SOX5: variants seen among roughly 807,000 people sequenced by gnomAD.
The protein encoded by SOX5 is SRY-box transcription factor 5.
SOX5 carries 9 observed loss-of-function variants against 92.0 expected under a neutral mutation model. That is an observed-to-expected ratio of 0.10 (90% CI 0.06 to 0.17). SOX5 has a LOEUF of 0.17. Among genes scored for constraint, SOX5 ranks in the 10% least tolerant of loss-of-function variants. The pLI, the probability that SOX5 is intolerant of heterozygous loss-of-function variation, is 1.00. For missense variants in SOX5, 642 were observed against 944.5 expected (o/e 0.68, Z 4.20); for synonymous variants, 344 against 336.3 (o/e 1.02, Z -0.25).
At chr12:24,171,338 C>A (rs1954130700) in intron 4 of SOX5, among the ~76,000 whole-genome samples, 2 of 151,314 alleles carry the variant, frequency 1.3e-5, no homozygotes, top group South Asian at 4.2e-4. Context: ...ATTCTCCTGC[C>A]TCAGCCTCCC....
intron 1 of SOX5, among the ~76,000 whole-genome samples, chr12:24,547,146 G>T (rs547103982): frequency 1.2e-3 from 179 of 151,282 alleles, no homozygotes; most frequent in African/African-American, 4.2e-3. Context: ...GTATAAGAGA[G>T]CCAAATAGTG....
intron 4 of SOX5, among the ~76,000 whole-genome samples, chr12:24,131,091 C>G (rs886772560): frequency 6.6e-6 from 1 of 152,170 alleles, no homozygotes; most frequent in Non-Finnish European, 1.5e-5. Flanking sequence ...TCATCTGAAA[C>G]TTTTACCTAC....
intron 1 of SOX5, among the ~76,000 whole-genome samples, chr12:24,435,950 G>C (rs989845548): frequency 6.6e-6 from 1 of 152,128 alleles, no homozygotes; most frequent in African/African-American, 2.4e-5. Context: ...AGGGATCTTT[G>C]ATGTTATTTT....
chr12:24,225,141 T>C (rs1348905812), intron 3 of SOX5, among the ~76,000 whole-genome samples: 6 of 152,202 alleles, frequency 3.9e-5, no homozygotes, highest in Non-Finnish European at 7.3e-5. Context: ...ATAAACCTCA[T>C]TGTGACACGA....
chr12:24,187,706 A>G (rs1246170325), intron 4 of SOX5, among the ~76,000 whole-genome samples: 1 of 152,122 alleles, frequency 6.6e-6, no homozygotes, highest in Non-Finnish European at 1.5e-5. Flanking sequence ...TATCCTCTGC[A>G]TTACCACTTA....
chr12:23,536,367 T>TTTTTC lies in SOX5; in HGVS notation c.1988+85_1988+86insGAAAA. ...GCTCAGATTCTTTTTCAAAATGTCTTTTTGCAACTGAACAAATATGTTTCA... is the reference window on the plus strand; with the variant it reads ...GCTCAGATTCTTTTTCAAAATGTCTTTTTTCTTTGCAACTGAACAAATATGTTTCA... On this transcript the variant is annotated intron_variant, in intron 14 of 14. Transcript: ENST00000451604. The TTTTTC allele has an allele frequency of 6.5e-6, 7 of 1,080,462 alleles. No individual in the cohort carries two copies. In the Admixed American group the frequency reaches 9.7e-5, roughly 15 times the overall value. The allele number at this position is 1,080,462 out of a possible 1,614,324, so 66.9% of individuals were successfully genotyped here. A position where few individuals can be genotyped will look rare whatever the true frequency, so the allele number is the denominator to read the frequency against.
chr12:24,286,957 A>G (rs923626949), intron 2 of SOX5, among the ~76,000 whole-genome samples: 1 of 152,218 alleles, frequency 6.6e-6, no homozygotes, highest in Admixed American at 6.5e-5. Flanking sequence ...TAAAAGATCA[A>G]ACAGAGACTG....
At chr12:24,475,451 G>A (rs1241545518) in intron 1 of SOX5, among the ~76,000 whole-genome samples, 8 of 152,144 alleles carry the variant, frequency 5.3e-5, no homozygotes, top group Admixed American at 3.3e-4. Flanking sequence ...CACTAGAAAC[G>A]TTTATGAACT....
At chr12:24,009,078 C>T (rs1414263124) in intron 4 of SOX5, among the ~76,000 whole-genome samples, 2 of 152,222 alleles carry the variant, frequency 1.3e-5, no homozygotes, top group African/African-American at 4.8e-5. Flanking sequence ...ACAGCTATTA[C>T]AGCCATCCCA....
At chr12:23,620,760 T>C (rs988908832) in intron 8 of SOX5, among the ~76,000 whole-genome samples, 2 of 152,070 alleles carry the variant, frequency 1.3e-5, no homozygotes, top group African/African-American at 4.8e-5. Flanking sequence ...ATAGGCTTCA[T>C]TTTCAATTGC....
intron 6 of SOX5, among the ~76,000 whole-genome samples, chr12:23,706,038 T>C (rs941391258): frequency 8.6e-5 from 13 of 151,730 alleles, no homozygotes; most frequent in African/African-American, 2.9e-4. Context: ...TGCTTTTTAT[T>C]GCTTTAAGTG....
intron 3 of SOX5, among the ~76,000 whole-genome samples, chr12:23,802,273 G>C (rs980951911): frequency 1.3e-5 from 2 of 151,878 alleles, no homozygotes; most frequent in African/African-American, 4.8e-5. Context: ...GTAGAGACGG[G>C]GTTTCACCTT....
intron 4 of SOX5, among the ~76,000 whole-genome samples, chr12:24,096,528 C>T (rs1251868536): frequency 1.3e-5 from 2 of 152,102 alleles, no homozygotes; most frequent in African/African-American, 4.8e-5. Flanking sequence ...ACTCTAGATA[C>T]CTTATATAAA....
At chr12:24,443,319 C>A (rs770602828) in intron 1 of SOX5, among the ~76,000 whole-genome samples, 8 of 152,140 alleles carry the variant, frequency 5.3e-5, no homozygotes, top group Non-Finnish European at 1.2e-4. Context: ...GGACAGGCCC[C>A]AGAAGTAAAG....
chr12:24,235,655 A>T (rs1268429820), intron 3 of SOX5, among the ~76,000 whole-genome samples: 1 of 152,244 alleles, frequency 6.6e-6, no homozygotes, highest in Non-Finnish European at 1.5e-5. Flanking sequence ...ATGCTTTATT[A>T]TATGAACTTA....
Position 23,838,435 on chromosome 12 carries a change from A to G in SOX5, c.481+7548T>C, listed in dbSNP as rs183908460. Among the ~76,000 whole-genome samples the G allele has an allele frequency of 2.7e-4, 41 of 151,968 alleles. 1 individual carries two copies. The highest frequency in any genetic ancestry group is 2.6e-3 in the Admixed American group (39 of 15,222). ...AAAGTGAGTCTATTTATAGTTTTGTATATTCAAAGTACATGTCAAAGAATC... is the reference window on the plus strand; with the variant it reads ...AAAGTGAGTCTATTTATAGTTTTGTGTATTCAAAGTACATGTCAAAGAATC... On this transcript the variant is annotated intron_variant, in intron 3 of 14. Coordinates refer to ENST00000451604, the MANE Select transcript of SOX5 (RefSeq NM_006940.6).
At chr12:23,600,521 G>GTATATATATATATATATATATA (rs1197489333) in intron 9 of SOX5, among the ~76,000 whole-genome samples, 1 of 6,088 alleles carries the variant, frequency 1.6e-4, no homozygotes, top group Non-Finnish European at 4.3e-4. Flanking sequence ...CGGGGGGGGT[G>GTATATATATATATATATATATA]CATATATATA....
chr12:23,539,947 C>G (rs994299152), intron 13 of SOX5, among the ~76,000 whole-genome samples: 2 of 152,176 alleles, frequency 1.3e-5, no homozygotes, highest in East Asian at 3.9e-4. Context: ...AAAATAGTAA[C>G]CTTGAATTAG....
At chr12:23,773,758 G>T (rs1426584282) in intron 3 of SOX5, among the ~76,000 whole-genome samples, 1 of 151,930 alleles carries the variant, frequency 6.6e-6, no homozygotes, top group Admixed American at 6.6e-5. Context: ...GCAGGTTTTG[G>T]AGATACAAAG....
Sources: allele counts gnomAD v4.1 joint callset (sites outside exome capture counted in the v4.1 genomes callset), GRCh38; gene constraint gnomAD v4.1.1; transcripts MANE v1.5; gene names NCBI Gene and HGNC (gene_info 2026-07-23, HGNC 2026-07-21).